Variants in ADCY3 observed in about 807,000 individuals in gnomAD.
ADCY3 encodes adenylate cyclase type 3.
Under a neutral mutation model 119.4 loss-of-function variants are expected in ADCY3, and 70 were observed. The ratio of observed to expected loss-of-function variants is 0.59; its 90% CI spans 0.48 to 0.72. ADCY3 has a LOEUF of 0.72. Ranked by LOEUF, ADCY3 falls within the 30% of genes least tolerant of loss-of-function variation. The pLI is 0.00. For missense variants in ADCY3, 1,238 were observed against 1,541.6 expected (o/e 0.80, Z 3.30); for synonymous variants, 672 against 621.4 (o/e 1.08, Z -1.21).
chr2:24,900,809 A>G (rs1678816148), intron 2 of ADCY3, among the ~76,000 whole-genome samples: 1 of 152,228 alleles, frequency 6.6e-6, no homozygotes, highest in Non-Finnish European at 1.5e-5. Context: ...TCATGCCTGT[A>G]ATCCCAGCAG....
intron 17 of ADCY3, among the ~76,000 whole-genome samples, 197 bp from the exon 18 acceptor site, chr2:24,823,552 C>T (rs1320039425): frequency 6.7e-6 from 1 of 148,798 alleles, no homozygotes; most frequent in Non-Finnish European, 1.5e-5. Context: ...AGTGCAGTGG[C>T]AGTAAACAAG....
Position 24,839,973 on chromosome 2 carries a change from T to C in ADCY3, c.1255A>G (p.Thr419Ala). The C allele has an allele frequency of 6.2e-7, 1 of 1,613,806 alleles. No individual in the cohort carries two copies. Among genetic ancestry groups the C allele is most frequent in the Middle Eastern group, 1.7e-4 (1 of 6,060 alleles). Residue 419 changes from threonine (T) to alanine (A), a missense_variant, in exon 7 of 22, where the codon ACC becomes GCC. By Grantham distance (58) the Thr-to-Ala change is moderately conservative. This residue lies in a region of ADCY3 where 283 missense variants were observed against 437.2 expected (regional missense o/e 0.65). Transcript: ENST00000679454. ...TGGCCCAGGACGCCCCCCAGCACGGTGCCCGTGTGCACCCCCACACGCATG... is the reference window on the plus strand; with the variant it reads ...TGGCCCAGGACGCCCCCCAGCACGGCGCCCGTGTGCACCCCCACACGCATG... ...VDMRVGVHTG[T>A]VLGGVLGQKR...
At chr2:24,873,715 C>G (rs1675308116) in intron 2 of ADCY3, among the ~76,000 whole-genome samples, 1 of 152,224 alleles carries the variant, frequency 6.6e-6, no homozygotes, top group South Asian at 2.1e-4. Context: ...CCACTGGCCT[C>G]AGTAAGCCTT....
chr2:24,893,025 ATG>A (rs1573009289), intron 2 of ADCY3, among the ~76,000 whole-genome samples: 1 of 132,076 alleles, frequency 7.6e-6, no homozygotes, highest in African/African-American at 2.8e-5. Flanking sequence ...CTTTTAATCT[ATG>A]TGTCTTTTTT....
In ADCY3 at chr2:24,828,021, G is replaced by A. The variant is rs761068478; in HGVS notation, c.2313C>T (p.Val771=). The stretch of plus-strand genomic sequence containing the variant: ...TGAGCGTGAGCTTCACCATGTGGCT[G>A]ACCTGCACCAGCATGATGGTGGCGA... ...SLIATIMLVQ[V]SHMVKLTLML... The change falls in exon 14 of 22, where the codon GTC becomes GTT. Residue 771 remains valine, a synonymous_variant. Coordinates refer to ENST00000679454, the MANE Select transcript of ADCY3 (RefSeq NM_004036.5). 5.0e-6 allele frequency: 8 copies of A among 1,614,246 alleles called. No homozygotes were observed. Among genetic ancestry groups the A allele is most frequent in the Non-Finnish European group, 5.9e-6 (7 of 1,180,044 alleles).
intron 2 of ADCY3, among the ~76,000 whole-genome samples, chr2:24,886,648 C>T (rs374731380): frequency 5.3e-5 from 8 of 152,314 alleles, no homozygotes; most frequent in Non-Finnish European, 8.8e-5. Flanking sequence ...GTGTGAGCTG[C>T]GCTGCCAGGC....
intron 3 of ADCY3, among the ~76,000 whole-genome samples, chr2:24,847,809 A>T (rs894594356): frequency 6.6e-6 from 1 of 152,266 alleles, no homozygotes; most frequent in Non-Finnish European, 1.5e-5. Flanking sequence ...CAGCCTCTCA[A>T]GGCAGACAGC....
chr2:24,858,803 G>A (rs924481074), intron 3 of ADCY3, among the ~76,000 whole-genome samples: 34 of 152,208 alleles, frequency 2.2e-4, no homozygotes, highest in Non-Finnish European at 1.6e-4. Flanking sequence ...TGCATGGGCC[G>A]TCAGCAGGAC....
At chr2:24,891,046 T>C (rs1439190432) in intron 2 of ADCY3, among the ~76,000 whole-genome samples, 1 of 152,004 alleles carries the variant, frequency 6.6e-6, no homozygotes, top group Non-Finnish European at 1.5e-5. Flanking sequence ...TTTTTTCATA[T>C]TTTAGTAGAG....
Position 24,919,182 on chromosome 2 carries a change from G to GTGCTCTGT in ADCY3, c.-196_-195insACAGAGCA. On this transcript the variant is annotated splice_region_variant and 5_prime_UTR_variant, in exon 2 of 22. Transcript: ENST00000679454. This position sits in a 1 kb window ranked among gnomAD's most constrained non-coding sequence, Gnocchi z 5.5. The stretch of plus-strand genomic sequence containing the variant: ...GAGCACAGGTAGCACTGATCAGCTA[G>GTGCTCTGT]AACTGAAAAGGGCATTGCTGAGTAG... 1 of 602,242 alleles carries GTGCTCTGT rather than the reference G, an allele frequency of 1.7e-6. No homozygotes were observed. The allele number at this position is 602,242 out of a possible 1,614,324, so 37.3% of individuals were successfully genotyped here. A position where few individuals can be genotyped will look rare whatever the true frequency, so the allele number is the denominator to read the frequency against.
Position 24,838,618 on chromosome 2 carries a change from C to A in ADCY3, c.1360G>T (p.Val454Leu), listed in dbSNP as rs752477523. The A allele has an allele frequency of 6.2e-7, 1 of 1,613,696 alleles. No homozygotes were observed. Among genetic ancestry groups the A allele is most frequent in the Non-Finnish European group, 8.5e-7 (1 of 1,180,040 alleles). ...TCCATGGTGCTCTGGGAGATGTGCA[C>A]GCGCCTGGATTGCAGAGAGAGAGGC... ...KMEAGGIPGRVHISQSTMDCL... is the reference protein window; with the variant it reads ...KMEAGGIPGRLHISQSTMDCL... The change falls in exon 8 of 22, where the codon GTG becomes TTG. Residue 454 changes from valine to leucine, a missense_variant. Physicochemically the swap from Val to Leu is conservative, Grantham distance 32. Transcript: ENST00000679454.
chr2:24,853,255 G>A (rs892877127), intron 3 of ADCY3, among the ~76,000 whole-genome samples: 2 of 152,058 alleles, frequency 1.3e-5, no homozygotes, highest in African/African-American at 2.4e-5. Flanking sequence ...AGGACACGAC[G>A]TATGGCGACC....
chr2:24,907,558 G>T (rs1434345673), intron 2 of ADCY3, among the ~76,000 whole-genome samples: 1 of 152,130 alleles, frequency 6.6e-6, no homozygotes, highest in Admixed American at 6.5e-5. Flanking sequence ...TTTCCTAGAA[G>T]AAAGGACTGA....
chr2:24,828,874 C>T (rs1669011511), intron 13 of ADCY3, among the ~76,000 whole-genome samples: 1 of 152,194 alleles, frequency 6.6e-6, no homozygotes, highest in Non-Finnish European at 1.5e-5. Context: ...TGGTGACCTC[C>T]ACACCTGGGT....
At position 24,827,554 on chromosome 2, in the gene ADCY3, G is replaced by A; in HGVS notation, c.2487C>T (p.Gly829=). The stretch of plus-strand genomic sequence containing the variant: ...GAAGCCGTGGCCCTTACCTGTCAGT[G>A]CCATTGAGCCCAGGGTTGAATCCTT... The part of the protein sequence containing the change: ...QMQGFNPGLN[G]TDRLPLVPSK... Residue 829 remains glycine (G), a synonymous_variant, in exon 15 of 22, where the codon GGC becomes GGT. Coordinates refer to ENST00000679454, the MANE Select transcript of ADCY3 (RefSeq NM_004036.5). The A allele has an allele frequency of 6.3e-7, 1 of 1,586,528 alleles. No homozygotes were observed. The highest frequency in any genetic ancestry group is 8.6e-7 in the Non-Finnish European group (1 of 1,163,382).
intron 21 of ADCY3, 138 bp from the exon 22 acceptor site, chr2:24,820,252 G>C: frequency 8.3e-7 from 1 of 1,202,848 alleles, no homozygotes; most frequent in South Asian, 2.0e-5. Context: ...AACCTCCCAG[G>C]GCCAAGCCCT....
At chr2:24,839,162 A>G (rs1161461054) in intron 7 of ADCY3, among the ~76,000 whole-genome samples, 1 of 152,092 alleles carries the variant, frequency 6.6e-6, no homozygotes, top group Non-Finnish European at 1.5e-5. Flanking sequence ...GGCTGGTCTC[A>G]AACTCTTGAC....
Position 24,842,135 on chromosome 2 carries a change from G to A in ADCY3, c.956+119C>T, listed in dbSNP as rs2148582602. ...CGCCAGGCTGATGAATGCTGTGGGA[G>A]GCCTTGCTTCTAGTCCCTGGAAAAC... On this transcript the variant is annotated intron_variant, in intron 4 of 21. Coordinates refer to ENST00000679454, the MANE Select transcript of ADCY3 (RefSeq NM_004036.5). This position sits in a 1 kb window ranked among gnomAD's most constrained non-coding sequence, Gnocchi z 4.9. 2 of 1,392,360 alleles carry A rather than the reference G, an allele frequency of 1.4e-6. No homozygotes were observed. The highest frequency in any genetic ancestry group is 2.4e-5 in the East Asian group (1 of 42,452). The allele number at this position is 1,392,360 out of a possible 1,614,324, so 86.3% of individuals were successfully genotyped here.
At chr2:24,856,180 AGTGT>A (rs111720839) in intron 3 of ADCY3, among the ~76,000 whole-genome samples, 5 of 151,524 alleles carry the variant, frequency 3.3e-5, no homozygotes, top group Middle Eastern at 3.2e-3. Flanking sequence ...GAATGTGGAG[AGTGT>A]GTGTGTGTGT....
Sources: allele counts gnomAD v4.1 joint callset (sites outside exome capture counted in the v4.1 genomes callset), GRCh38; gene constraint gnomAD v4.1.1; regional missense constraint gnomAD v4.1.1; non-coding constraint Gnocchi (gnomAD v3.1); transcripts MANE v1.5; gene names NCBI Gene and HGNC (gene_info 2026-07-23, HGNC 2026-07-21).